Variants in CGNL1 observed in about 807,000 individuals in gnomAD.
The protein encoded by CGNL1 is cingulin-like protein 1.
A neutral mutation model predicts 141.2 loss-of-function variants in CGNL1; 132 were observed. The ratio of observed to expected loss-of-function variants is 0.93; its 90% CI spans 0.81 to 1.08. The LOEUF (loss-of-function observed/expected upper bound fraction) is 1.08, where lower values mean the gene tolerates loss of function less well. Among genes scored for constraint, CGNL1 ranks in the 50% least tolerant of loss-of-function variants. The probability of loss-of-function intolerance (pLI) is 0.00; values close to 1 mark genes in which losing one functional copy is unlikely to be tolerated. For synonymous variants in CGNL1, 690 were observed against 622.1 expected, an observed-to-expected ratio of 1.11 and a Z score of -1.63; for missense variants, 1,870 against 1,588.6, an observed-to-expected ratio of 1.18 and a Z score of -3.01.
intron 9 of CGNL1, among the ~76,000 whole-genome samples, chr15:57,517,271 A>T (rs527822927): frequency 1.3e-5 from 2 of 152,336 alleles, no homozygotes; most frequent in East Asian, 3.9e-4. Context: ...ATGGCTTCAC[A>T]CAGGCATCCA....
chr15:57,546,957 G>C (rs1242175702), intron 18 of CGNL1, among the ~76,000 whole-genome samples: 3 of 152,064 alleles, frequency 2.0e-5, no homozygotes, highest in Non-Finnish European at 2.9e-5. Context: ...TTGGCATTAG[G>C]GTGCAGCATT....
At chr15:57,386,148 G>C (rs1797244564) in intron 1 of CGNL1, among the ~76,000 whole-genome samples, 1 of 152,190 alleles carries the variant, frequency 6.6e-6, no homozygotes, top group African/African-American at 2.4e-5. Context: ...AAACTTGCTT[G>C]CATCGTTTAC....
chr15:57,389,245 G>T (rs1267163021), intron 1 of CGNL1, among the ~76,000 whole-genome samples: 1 of 152,064 alleles, frequency 6.6e-6, no homozygotes, highest in Non-Finnish European at 1.5e-5. Flanking sequence ...CATTAAAAAT[G>T]ATTCAAGTTC....
At chr15:57,471,417 A>G (rs2152345795) in intron 8 of CGNL1, among the ~76,000 whole-genome samples, 1 of 152,330 alleles carries the variant, frequency 6.6e-6, no homozygotes, top group South Asian at 2.1e-4. Context: ...TGCTTCATGA[A>G]CATGTTTAAG....
chr15:57,439,770 A>G (rs2063161954), intron 2 of CGNL1, among the ~76,000 whole-genome samples, 169 bp downstream of exon 2: 1 of 152,182 alleles, frequency 6.6e-6, no homozygotes, highest in African/African-American at 2.4e-5. Flanking sequence ...ACGATGTCCT[A>G]CTGCCAATTG....
At chr15:57,431,121 G>A (rs1300392960) in intron 1 of CGNL1, among the ~76,000 whole-genome samples, 2 of 152,096 alleles carry the variant, frequency 1.3e-5, no homozygotes, top group African/African-American at 4.8e-5. Context: ...CTTCCTTTTT[G>A]TACAAGGTGG....
chr15:57,523,425 C>A (rs535966191), intron 10 of CGNL1, 64 bp from the exon 11 acceptor site: 539 of 1,520,866 alleles, frequency 3.5e-4, no homozygotes, highest in Non-Finnish European at 4.6e-4. Flanking sequence ...GTTCCCTGTG[C>A]CACCCGTTCC....
intron 7 of CGNL1, among the ~76,000 whole-genome samples, chr15:57,456,960 A>G (rs1595723848): frequency 1.3e-5 from 2 of 152,274 alleles, no homozygotes; most frequent in South Asian, 4.1e-4. Context: ...TGTCTCTAAA[A>G]CTTCTTTTGT....
At chr15:57,420,048 C>G (rs1048521025) in intron 1 of CGNL1, among the ~76,000 whole-genome samples, 3 of 152,172 alleles carry the variant, frequency 2.0e-5, no homozygotes, top group Admixed American at 2.0e-4. Flanking sequence ...TAGTTGGCTC[C>G]TGTGTCCCTT....
intron 8 of CGNL1, among the ~76,000 whole-genome samples, chr15:57,489,364 G>A (rs549157870): frequency 6.6e-5 from 10 of 152,248 alleles, no homozygotes; most frequent in Non-Finnish European, 1.2e-4. Flanking sequence ...ATCATGTCAG[G>A]TATGTGATTC....
At chr15:57,525,376 C>G (rs1021200190) in intron 12 of CGNL1, among the ~76,000 whole-genome samples, 1 of 152,178 alleles carries the variant, frequency 6.6e-6, no homozygotes, top group Non-Finnish European at 1.5e-5. Flanking sequence ...AATGGAAAGC[C>G]GGAGGCTTCA....
At position 57,546,076 on chromosome 15, in the gene CGNL1, C is replaced by T. The variant is rs762240819; in HGVS notation, c.3610C>T (p.Leu1204=). 2 of 1,612,202 alleles carry T rather than the reference C, an allele frequency of 1.2e-6. No homozygotes were observed. The highest frequency in any genetic ancestry group is 1.1e-5 in the South Asian group (1 of 90,754). The change falls in exon 18 of 19, where the codon CTG becomes TTG. Residue 1204 remains leucine (L), a splice_region_variant and synonymous_variant. Coordinates refer to ENST00000281282, the MANE Select transcript of CGNL1 (RefSeq NM_032866.5). ...CAGCCCACATTCTCTCCCGGTGCAG[C>T]TGAGCTTGCGTTTGAAAGCCATGAA... The part of the protein sequence containing the change: ...HLSLTDQKDQ[L]SLRLKAMKRQ...
At chr15:57,425,231 G>T (rs1280721703) in intron 1 of CGNL1, among the ~76,000 whole-genome samples, 1 of 152,160 alleles carries the variant, frequency 6.6e-6, no homozygotes, top group East Asian at 1.9e-4. Context: ...GGGCGTGGTG[G>T]CTCGTGCTTA....
intron 14 of CGNL1, among the ~76,000 whole-genome samples, chr15:57,536,100 AG>A (rs2032243619): frequency 6.6e-6 from 1 of 152,230 alleles, no homozygotes; most frequent in South Asian, 2.1e-4. Context: ...AAGGCAAAGG[AG>A]GAGCAAAGGC....
intron 1 of CGNL1, among the ~76,000 whole-genome samples, chr15:57,423,463 A>G (rs2062938465): frequency 6.6e-6 from 1 of 151,878 alleles, no homozygotes; most frequent in African/African-American, 2.4e-5. Flanking sequence ...TAATTTCTGC[A>G]TGATTAACAT....
At chr15:57,465,500 C>T (rs1166072613) in intron 8 of CGNL1, among the ~76,000 whole-genome samples, 2 of 150,226 alleles carry the variant, frequency 1.3e-5, no homozygotes, top group Non-Finnish European at 3.0e-5. Flanking sequence ...AAGTGATTCT[C>T]CTGCCCCAGC....
intron 8 of CGNL1, among the ~76,000 whole-genome samples, chr15:57,472,384 T>C (rs2063593192): frequency 6.6e-6 from 1 of 152,112 alleles, no homozygotes; most frequent in East Asian, 1.9e-4. Flanking sequence ...TCATGCAGCC[T>C]GTATGGAGCA....
intron 1 of CGNL1, chr15:57,402,608 C>A (rs1306975888): frequency 6.6e-5 from 10 of 152,302 alleles, no homozygotes; most frequent in African/African-American, 2.4e-4. Flanking sequence ...TTTTCCGTTA[C>A]ATGCTGCAGA....
At chr15:57,506,204 T>C (rs1332735628) in intron 8 of CGNL1, among the ~76,000 whole-genome samples, 1 of 152,196 alleles carries the variant, frequency 6.6e-6, no homozygotes. Flanking sequence ...CACCCCCCAA[T>C]ATTTTCCTAG....
Sources: allele counts gnomAD v4.1 joint callset (sites outside exome capture counted in the v4.1 genomes callset), GRCh38; gene constraint gnomAD v4.1.1; transcripts MANE v1.5; gene names NCBI Gene and HGNC (gene_info 2026-07-23, HGNC 2026-07-21).